The following TSHZ2 variants were observed in gnomAD, a reference collection of about 807,000 sequenced individuals.
TSHZ2 encodes teashirt homolog 2.
In TSHZ2, 21 loss-of-function variants were observed where a neutral mutation model predicts 74.4. The observed-to-expected ratio is 0.28, with a 90% confidence interval of 0.20 to 0.41. The LOEUF (loss-of-function observed/expected upper bound fraction) is 0.41, where lower values mean the gene tolerates loss of function less well. TSHZ2 is among the 10% of genes least tolerant of loss of function. The pLI is 1.00. For missense variants in TSHZ2, 1,244 were observed against 1,293.5 expected (o/e 0.96, Z 0.59); for synonymous variants, 540 against 515.3 (o/e 1.05, Z -0.65).
chr20:53,347,913 C>T (rs1406254157), intron 2 of TSHZ2, among the ~76,000 whole-genome samples: 1 of 152,124 alleles, frequency 6.6e-6, no homozygotes, highest in African/African-American at 2.4e-5. Context: ...ATGCCACTAT[C>T]GAGTTTCAGA....
intron 1 of TSHZ2, among the ~76,000 whole-genome samples, chr20:53,140,596 C>T (rs1032173995): frequency 6.7e-6 from 1 of 150,186 alleles, no homozygotes; most frequent in Admixed American, 6.6e-5. Flanking sequence ...GAACCTCAGT[C>T]ACAGAGTCAG....
chr20:53,225,154 G>A (rs1989656266), intron 1 of TSHZ2, among the ~76,000 whole-genome samples: 1 of 152,210 alleles, frequency 6.6e-6, no homozygotes, highest in African/African-American at 2.4e-5. Flanking sequence ...TTTGGCCTGT[G>A]GGCCATAGGT....
At chr20:53,200,648 TTTTG>T (rs149843994) in intron 1 of TSHZ2, among the ~76,000 whole-genome samples, 89 of 151,890 alleles carry the variant, frequency 5.9e-4, no homozygotes, top group South Asian at 1.0e-3. Flanking sequence ...TTTGGGGGAT[TTTTG>T]TTTGTTTGTT....
At chr20:53,181,021 T>A (rs1483560027) in intron 1 of TSHZ2, among the ~76,000 whole-genome samples, 1 of 152,136 alleles carries the variant, frequency 6.6e-6, no homozygotes, top group Non-Finnish European at 1.5e-5. Flanking sequence ...CTCCCCTTCA[T>A]TGAGTGTACC....
intron 2 of TSHZ2, among the ~76,000 whole-genome samples, chr20:53,306,189 C>A (rs1227288093): frequency 6.6e-6 from 1 of 152,090 alleles, no homozygotes; most frequent in Non-Finnish European, 1.5e-5. Context: ...GCGTGGCAAC[C>A]GTGTGCAAGA....
intron 2 of TSHZ2, among the ~76,000 whole-genome samples, chr20:53,394,746 C>T (rs2145665906): frequency 7.8e-6 from 1 of 128,908 alleles, no homozygotes; most frequent in Non-Finnish European, 1.5e-5. Flanking sequence ...GCAAACATCA[C>T]TAATCAATCT....
intron 1 of TSHZ2, among the ~76,000 whole-genome samples, chr20:53,019,526 C>A (rs1412474049): frequency 2.0e-5 from 3 of 152,120 alleles, no homozygotes; most frequent in South Asian, 2.1e-4. Flanking sequence ...TTGGGGGAGA[C>A]CCCTGTTGTT....
At chr20:53,425,160 C>G (rs536446252) in intron 2 of TSHZ2, among the ~76,000 whole-genome samples, 60 of 152,198 alleles carry the variant, frequency 3.9e-4, no homozygotes, top group African/African-American at 1.4e-3. Flanking sequence ...CAAAATGGAC[C>G]ACCCTCTTTC....
chr20:53,184,334 C>A (rs1054505294), intron 1 of TSHZ2, among the ~76,000 whole-genome samples: 1 of 152,182 alleles, frequency 6.6e-6, no homozygotes, highest in South Asian at 2.1e-4. Flanking sequence ...CAGTGGTGAA[C>A]AAAACCACTG....
At chr20:53,235,294 A>G (rs1434014019) in intron 1 of TSHZ2, among the ~76,000 whole-genome samples, 1 of 152,094 alleles carries the variant, frequency 6.6e-6, no homozygotes, top group Admixed American at 6.6e-5. Flanking sequence ...CAGCCTCCCA[A>G]GTAGCTGGGA....
chr20:53,116,963 G>T (rs1986685872), intron 1 of TSHZ2, among the ~76,000 whole-genome samples: 1 of 152,104 alleles, frequency 6.6e-6, no homozygotes, highest in African/African-American at 2.4e-5. Flanking sequence ...TCTGGTGAGG[G>T]CCCTCCTCCT....
chr20:53,330,510 C>T (rs1271897897), intron 2 of TSHZ2, among the ~76,000 whole-genome samples: 2 of 152,086 alleles, frequency 1.3e-5, no homozygotes, highest in East Asian at 1.9e-4. Flanking sequence ...CCTAAGAGTC[C>T]GATATGATCC....
chr20:53,285,728 A>AG (rs1555846143), intron 2 of TSHZ2, among the ~76,000 whole-genome samples: 4 of 151,480 alleles, frequency 2.6e-5, no homozygotes, highest in African/African-American at 9.7e-5. Context: ...AGAGAAAAAA[A>AG]AAAGAAAGAA....
At chr20:53,017,650 CTT>C (rs916797354) in intron 1 of TSHZ2, among the ~76,000 whole-genome samples, 17 of 152,118 alleles carry the variant, frequency 1.1e-4, no homozygotes, top group Admixed American at 3.3e-4. Context: ...AAATTTGAAT[CTT>C]TTCACATAAA....
intron 2 of TSHZ2, among the ~76,000 whole-genome samples, chr20:53,269,756 C>A (rs1451354889): frequency 6.6e-6 from 1 of 151,186 alleles, no homozygotes. Context: ...ATGTAACTAA[C>A]CTGCACAATG....
At chr20:53,133,984 A>G (rs1192540994) in intron 1 of TSHZ2, among the ~76,000 whole-genome samples, 2 of 151,886 alleles carry the variant, frequency 1.3e-5, no homozygotes, top group Admixed American at 6.6e-5. Context: ...AAAAAAAAAA[A>G]TAGGCCACGT....
chr20:53,430,236 C>A (rs1181993483), intron 2 of TSHZ2, among the ~76,000 whole-genome samples: 1 of 151,994 alleles, frequency 6.6e-6, no homozygotes, highest in African/African-American at 2.4e-5. Flanking sequence ...TCCCGAGAAG[C>A]TGGGACTACA....
At chr20:53,149,001 T>C (rs1005201021) in intron 1 of TSHZ2, among the ~76,000 whole-genome samples, 1 of 152,160 alleles carries the variant, frequency 6.6e-6, no homozygotes, top group Non-Finnish European at 1.5e-5. Flanking sequence ...AAATAAACAA[T>C]GCAAAGCAAT....
chr20:53,480,076 T>G (rs1321499203), intron 2 of TSHZ2, among the ~76,000 whole-genome samples: 9 of 150,994 alleles, frequency 6.0e-5, no homozygotes, highest in South Asian at 2.1e-4. Context: ...TTTGTTTTTT[T>G]TTTTTTTTTG....
Sources: gnomAD v4.1 joint callset for allele counts (sites outside exome capture counted in the v4.1 genomes callset) on GRCh38, gnomAD v4.1.1 for gene constraint, MANE v1.5 for transcripts, NCBI Gene and HGNC (gene_info 2026-07-23, HGNC 2026-07-21) for gene names.